The following CHD7 variants were observed in gnomAD, a reference collection of about 807,000 sequenced individuals.
CHD7 encodes the protein ATP-dependent chromatin remodeler CHD7.
In CHD7, 24 loss-of-function variants were observed where a neutral mutation model predicts 307.3. The ratio of observed to expected loss-of-function variants is 0.08; its 90% CI spans 0.06 to 0.11. The LOEUF is 0.11. Among genes scored for constraint, CHD7 ranks in the 10% least tolerant of loss-of-function variants. CHD7 has a pLI of 1.00. For synonymous variants in CHD7, 1,363 were observed against 1,349.9 expected, an observed-to-expected ratio of 1.01 and a Z score of -0.21; for missense variants, 3,106 against 3,727.1, an observed-to-expected ratio of 0.83 and a Z score of 4.34.
chr8:60,740,444 G>A (rs1808936354), intron 1 of CHD7, among the ~76,000 whole-genome samples: 2 of 152,226 alleles, frequency 1.3e-5, no homozygotes, highest in Admixed American at 6.5e-5. Context: ...GCCTGCGGGT[G>A]AATAATGAGC....
Position 60,830,596 on chromosome 8 carries a change from C to T in CHD7, c.3778+19C>T, listed in dbSNP as rs771407286. On this transcript the variant is annotated intron_variant, in intron 15 of 37. Coordinates refer to ENST00000423902, the MANE Select transcript of CHD7 (RefSeq NM_017780.4). ...ATCAATGGTAAGGCTGCCCTGCTCGCGAACTTGCTTAAGTGACGATTGAAG... is the reference window on the plus strand; with the variant it reads ...ATCAATGGTAAGGCTGCCCTGCTCGTGAACTTGCTTAAGTGACGATTGAAG... The T allele has an allele frequency of 5.6e-6, 9 of 1,607,136 alleles. No individual in the cohort carries two copies. Among genetic ancestry groups the T allele is most frequent in the Middle Eastern group, 1.7e-4 (1 of 6,054 alleles).
Position 60,852,303 on chromosome 8 carries a change from C to T in CHD7, c.5894+56C>T, listed in dbSNP as rs2150808233. 4.0e-6 allele frequency: 6 copies of T among 1,485,168 alleles called. No individual in the cohort carries two copies. The South Asian group carries it at 6.1e-5, about 15-fold the overall frequency. The allele number at this position is 1,485,168 out of a possible 1,614,324, so 92.0% of individuals were successfully genotyped here. ...CCGGTACATGCCCCTCTGCCCTGCT[C>T]CTGTAGACCCACAAGAGACAGGACT... is the stretch of plus-strand genomic sequence containing the variant. On this transcript the variant is annotated intron_variant, in intron 29 of 37. Coordinates refer to ENST00000423902, the MANE Select transcript of CHD7 (RefSeq NM_017780.4).
intron 6 of CHD7, among the ~76,000 whole-genome samples, chr8:60,806,610 A>G (rs1265515079): frequency 1.3e-5 from 2 of 152,210 alleles, no homozygotes; most frequent in East Asian, 1.9e-4. Context: ...ATTACGTTTC[A>G]TAGATCCATT....
chr8:60,750,297 A>G (rs1809571421), intron 2 of CHD7, among the ~76,000 whole-genome samples: 1 of 152,228 alleles, frequency 6.6e-6, no homozygotes, highest in Admixed American at 6.5e-5. Flanking sequence ...GCAGTACCAC[A>G]TGAAAGAAAT....
chr8:60,828,307 T>C (rs757756320), intron 13 of CHD7, among the ~76,000 whole-genome samples: 11 of 152,198 alleles, frequency 7.2e-5, no homozygotes, highest in Non-Finnish European at 1.5e-4. Flanking sequence ...GAAGCATGCA[T>C]GTTTCATCTG....
rs1215739123 is a variant in CHD7 at position 60,769,490 on chromosome 8, G to GT, written c.1666-11508dup. On this transcript the variant is annotated intron_variant, in intron 2 of 37. Transcript: ENST00000423902. ...ATACGTGTGTACCTCTGCCCTTATA[G>GT]TTAGCTAATCAACCATTTGAGTTTA... 2.0e-5 allele frequency among the ~76,000 whole-genome samples: 3 copies of GT among 152,204 alleles called. No homozygotes were observed. In the East Asian group the frequency reaches 5.8e-4, roughly 29 times the overall value.
chr8:60,804,578 A>G (rs4738826), intron 6 of CHD7, among the ~76,000 whole-genome samples: 80,321 of 152,094 alleles, frequency 0.53, 25,620 homozygotes, highest in East Asian at 0.79. Flanking sequence ...TAAAGTATAC[A>G]GTAGATAGGG....
intron 1 of CHD7, among the ~76,000 whole-genome samples, chr8:60,681,085 A>G (rs1805602816): frequency 6.6e-6 from 1 of 152,182 alleles, no homozygotes; most frequent in Non-Finnish European, 1.5e-5. Context: ...ATACGTAGTA[A>G]TCGAAGAGGA....
chr8:60,719,216 A>G (rs1807772391), intron 1 of CHD7, among the ~76,000 whole-genome samples: 1 of 152,248 alleles, frequency 6.6e-6, no homozygotes, highest in African/African-American at 2.4e-5. Flanking sequence ...TGTCACCCAC[A>G]GGGTAGGAAA....
chr8:60,856,785 T>C lies in CHD7; in HGVS notation c.7505T>C (p.Leu2502Pro). The C allele has an allele frequency of 1.2e-6, 2 of 1,611,796 alleles. No individual in the cohort carries two copies. The highest frequency in any genetic ancestry group is 1.7e-6 in the Non-Finnish European group (2 of 1,178,516). ...ACAAGGCATCTCCTTAATGGCTCCCTAGTGGATGGAGAGCCTCCCATGAAG... is the reference window on the plus strand; with the variant it reads ...ACAAGGCATCTCCTTAATGGCTCCCCAGTGGATGGAGAGCCTCCCATGAAG... The part of the protein sequence containing the change: ...TPTRHLLNGS[L>P]VDGEPPMKRR... The change falls in exon 34 of 38, where the codon CTA (leucine) becomes CCA (proline). Residue 2502 changes from leucine (L) to proline (P), a missense_variant. Transcript: ENST00000423902.
In CHD7 at chr8:60,800,474, A is replaced by C; in HGVS notation, c.2325A>C (p.Ala775=). Reference sequence around the variant, plus strand: ...TTTCTGATGAGGAGGCAGATGATGCAGATGCTGCTGGGAGGGATTCCCCCT... The same window carrying C: ...TTTCTGATGAGGAGGCAGATGATGCCGATGCTGCTGGGAGGGATTCCCCCT... The part of the protein sequence containing the change: ...FKISDEEADD[A]DAAGRDSPSN... The change falls in exon 5 of 38, where the codon GCA becomes GCC. Residue 775 remains alanine, a synonymous_variant. Transcript: ENST00000423902. 1 of 1,613,932 alleles carries C rather than the reference A, an allele frequency of 6.2e-7. No homozygotes were observed. The highest frequency in any genetic ancestry group is 8.5e-7 in the Non-Finnish European group (1 of 1,179,846).
chr8:60,749,794 A>G (rs1463512483), intron 2 of CHD7, among the ~76,000 whole-genome samples: 1 of 152,246 alleles, frequency 6.6e-6, no homozygotes, highest in African/African-American at 2.4e-5. Context: ...TGACATCTTT[A>G]GTTAAAGCAA....
At chr8:60,750,108 TAA>T (rs1315670026) in intron 2 of CHD7, among the ~76,000 whole-genome samples, 1 of 152,246 alleles carries the variant, frequency 6.6e-6, no homozygotes, top group Admixed American at 6.5e-5. Flanking sequence ...TTTTATTTTG[TAA>T]AAGAGTATTG....
intron 1 of CHD7, among the ~76,000 whole-genome samples, chr8:60,696,544 C>A (rs1806480395): frequency 6.6e-6 from 1 of 152,028 alleles, no homozygotes; most frequent in Non-Finnish European, 1.5e-5. Context: ...TGCAACAGTG[C>A]ATCTAAAATG....
At chr8:60,816,806 A>G (rs1253819654) in intron 8 of CHD7, among the ~76,000 whole-genome samples, 3 of 152,366 alleles carry the variant, frequency 2.0e-5, no homozygotes, top group South Asian at 4.1e-4. Flanking sequence ...CAGAAGTTCT[A>G]TTGAGATTTA....
In CHD7 at chr8:60,713,965, T is replaced by C. The variant is rs559771516; in HGVS notation, c.-174-27294T>C. On this transcript the variant is annotated intron_variant, in intron 1 of 37. Coordinates refer to ENST00000423902, the MANE Select transcript of CHD7 (RefSeq NM_017780.4). ...CCCGTTTTCTTTCTTTGTAGAAAGATAGCAGACATAAATAATCTTCAATAA... is the reference window on the plus strand; with the variant it reads ...CCCGTTTTCTTTCTTTGTAGAAAGACAGCAGACATAAATAATCTTCAATAA... 2.6e-5 allele frequency among the ~76,000 whole-genome samples: 4 copies of C among 152,300 alleles called. No individual in the cohort carries two copies. The South Asian group carries it at 6.2e-4, about 24-fold the overall frequency.
intron 1 of CHD7, among the ~76,000 whole-genome samples, chr8:60,706,483 A>T (rs896574926): frequency 6.6e-6 from 1 of 152,234 alleles, no homozygotes; most frequent in African/African-American, 2.4e-5. Context: ...AGTGTAGGTG[A>T]TGAAAGAACA....
rs369763459 is a variant in CHD7, at chr8:60,794,054, G to A, written c.2097-932G>A. 8.5e-4 allele frequency among the ~76,000 whole-genome samples: 129 copies of A among 152,166 alleles called. 2 individuals carry two copies. The highest frequency in any genetic ancestry group is 6.8e-3 in the Middle Eastern group (2 of 294). On this transcript the variant is annotated intron_variant, in intron 3 of 37. Coordinates refer to ENST00000423902, the MANE Select transcript of CHD7 (RefSeq NM_017780.4). ...GGAGAATCGCTTGGACCCGGGAGGC[G>A]GAGGTTGCAGTGAGCCAAGATCACG...
chr8:60,777,128 T>G (rs752517929), intron 2 of CHD7, among the ~76,000 whole-genome samples: 2 of 152,256 alleles, frequency 1.3e-5, no homozygotes, highest in Non-Finnish European at 2.9e-5. Context: ...GGCTTTTGTT[T>G]TCATAAGTAC....
Sources: allele counts gnomAD v4.1 joint callset (sites outside exome capture counted in the v4.1 genomes callset), GRCh38; gene constraint gnomAD v4.1.1; transcripts MANE v1.5; gene names NCBI Gene and HGNC (gene_info 2026-07-23, HGNC 2026-07-21).